Variants in CNTN5 observed in about 807,000 individuals in gnomAD.
The protein encoded by CNTN5 is contactin 5.
Under a neutral mutation model 129.1 loss-of-function variants are expected in CNTN5, and 77 were observed. That is an observed-to-expected ratio of 0.60 (90% CI 0.50 to 0.72). The LOEUF (loss-of-function observed/expected upper bound fraction) is 0.72. Ranked by LOEUF, CNTN5 falls within the 30% of genes least tolerant of loss-of-function variation. The probability of loss-of-function intolerance (pLI) is 0.00; values close to 1 mark genes in which losing one functional copy is unlikely to be tolerated. For missense variants in CNTN5, 1,478 were observed against 1,328.8 expected (o/e 1.11, Z -1.75); for synonymous variants, 509 against 465.6 (o/e 1.09, Z -1.20).
At chr11:100,158,222 C>A (rs142098833) in intron 13 of CNTN5, among the ~76,000 whole-genome samples, 1 of 151,686 alleles carries the variant, frequency 6.6e-6, no homozygotes, top group Non-Finnish European at 1.5e-5. Context: ...AAAATCAAAA[C>A]GAACAAAATG....
intron 1 of CNTN5, among the ~76,000 whole-genome samples, chr11:99,150,375 A>G (rs1859995585): frequency 6.6e-6 from 1 of 152,048 alleles, no homozygotes. Context: ...GGAACATGCA[A>G]ATCTTTGTTG....
At chr11:99,752,558 T>A (rs1217839403) in intron 3 of CNTN5, among the ~76,000 whole-genome samples, 1 of 152,224 alleles carries the variant, frequency 6.6e-6, no homozygotes, top group Admixed American at 6.5e-5. Flanking sequence ...ATGTTATAAT[T>A]TGTGTTTTGT....
rs765180638 is a variant in CNTN5, at chr11:99,844,978, A to G, written c.401+3A>G. 6.2e-7 allele frequency: 1 copy of G among 1,613,198 alleles called. No individual in the cohort carries two copies. Among genetic ancestry groups the G allele is most frequent in the Non-Finnish European group, 8.5e-7 (1 of 1,179,586 alleles). On this transcript the variant is annotated splice_donor_region_variant and intron_variant, in intron 5 of 24. Coordinates refer to ENST00000524871, the MANE Select transcript of CNTN5 (RefSeq NM_014361.4). ...GGCAATCCAGTTCCCAGTTACAGGT[A>G]GGAATTCACTGTTAATCATTTTTCT...
chr11:99,507,964 A>ATTAATGT (rs1347741647), intron 2 of CNTN5, among the ~76,000 whole-genome samples: 7 of 152,204 alleles, frequency 4.6e-5, no homozygotes, highest in African/African-American at 1.7e-4. Flanking sequence ...AGTAAATGTT[A>ATTAATGT]GTTTTTATTA....
intron 13 of CNTN5, among the ~76,000 whole-genome samples, chr11:100,077,357 C>T (rs1018335922): frequency 5.3e-5 from 8 of 152,120 alleles, no homozygotes; most frequent in Non-Finnish European, 1.5e-5. Flanking sequence ...ATCCAACCTA[C>T]AACAATTGAG....
chr11:99,878,528 A>C lies in CNTN5; in HGVS notation c.577+33266A>C, dbSNP rs141457324. Among the ~76,000 whole-genome samples, 207 of 152,322 alleles carry C rather than the reference A, an allele frequency of 1.4e-3. 1 individual carries two copies. Among genetic ancestry groups the C allele is most frequent in the East Asian group, 5.8e-3 (30 of 5,180 alleles). ...ATACCATTAAAAAACACACTCTAAG[A>C]AGCAAAGCCTTTCTGTCATTAATCA... On this transcript the variant is annotated intron_variant, in intron 6 of 24. Coordinates refer to ENST00000524871, the MANE Select transcript of CNTN5 (RefSeq NM_014361.4).
intron 1 of CNTN5, among the ~76,000 whole-genome samples, chr11:99,292,755 C>T (rs976671946): frequency 2.2e-4 from 33 of 152,156 alleles, no homozygotes; most frequent in Non-Finnish European, 1.2e-4. Flanking sequence ...CCAGCCTTGA[C>T]ATTCCCCAGC....
intron 2 of CNTN5, among the ~76,000 whole-genome samples, chr11:99,400,913 T>C (rs575107308): frequency 3.9e-5 from 6 of 152,314 alleles, no homozygotes; most frequent in Non-Finnish European, 7.4e-5. Context: ...TTTGCCCATT[T>C]TAAAATTAGA....
intron 8 of CNTN5, among the ~76,000 whole-genome samples, chr11:99,960,199 G>T (rs1421239186): frequency 6.6e-6 from 1 of 152,006 alleles, no homozygotes; most frequent in Non-Finnish European, 1.5e-5. Flanking sequence ...ATTTTAATAT[G>T]CATTTTTAAG....
intron 3 of CNTN5, among the ~76,000 whole-genome samples, chr11:99,619,828 C>A (rs1950875946): frequency 6.6e-6 from 1 of 151,878 alleles, no homozygotes; most frequent in South Asian, 2.1e-4. Context: ...AGATCAAGAC[C>A]ATCCTGGCTA....
At chr11:99,170,803 C>T (rs746407593) in intron 1 of CNTN5, among the ~76,000 whole-genome samples, 1 of 152,222 alleles carries the variant, frequency 6.6e-6, no homozygotes, top group Non-Finnish European at 1.5e-5. Flanking sequence ...TGCAGGCACA[C>T]ATATAAGTTC....
intron 3 of CNTN5, among the ~76,000 whole-genome samples, chr11:99,736,118 C>A (rs528876814): frequency 3.3e-5 from 5 of 151,340 alleles, no homozygotes; most frequent in South Asian, 2.1e-4. Context: ...TTTAAGATTT[C>A]TTTTGAGCGT....
At chr11:99,211,544 CT>C (rs76506556) in intron 1 of CNTN5, among the ~76,000 whole-genome samples, 18 of 150,576 alleles carry the variant, frequency 1.2e-4, no homozygotes, top group African/African-American at 2.9e-4. Context: ...TTTTCTCCTC[CT>C]TTTTTTTTCT....
At chr11:99,768,874 T>C (rs182562470) in intron 3 of CNTN5, among the ~76,000 whole-genome samples, 16 of 152,250 alleles carry the variant, frequency 1.1e-4, no homozygotes, top group Admixed American at 7.2e-4. Context: ...AATATTATGC[T>C]ACTCCACAGT....
chr11:100,038,201 A>G lies in CNTN5; in HGVS notation c.981-23011A>G, dbSNP rs536741672. On this transcript the variant is annotated intron_variant, in intron 9 of 24. Transcript: ENST00000524871. The stretch of plus-strand genomic sequence containing the variant: ...CTCGTTGGTTTCAAAGAACATCTTT[A>G]TTTCTGCCTTCATTTCGTTATGTAC... Among the ~76,000 whole-genome samples the G allele has an allele frequency of 1.0e-3, 152 of 152,048 alleles. 5 individuals are homozygous for G. The South Asian group carries it at 0.031, about 31-fold the overall frequency.
chr11:99,910,316 C>G (rs1383650251), intron 6 of CNTN5, among the ~76,000 whole-genome samples: 2 of 152,060 alleles, frequency 1.3e-5, no homozygotes, highest in African/African-American at 4.8e-5. Flanking sequence ...TACCATTCAA[C>G]ACTCACATTT....
chr11:99,455,904 C>T (rs947839595), intron 2 of CNTN5, among the ~76,000 whole-genome samples: 1 of 152,102 alleles, frequency 6.6e-6, no homozygotes, highest in Non-Finnish European at 1.5e-5. Context: ...AGCATCTTTT[C>T]AAGCCCAGTA....
At chr11:100,320,840 C>T (rs7104479) in intron 21 of CNTN5, among the ~76,000 whole-genome samples, 1 of 152,038 alleles carries the variant, frequency 6.6e-6, no homozygotes, top group Admixed American at 6.5e-5. Flanking sequence ...GTGTTCTTGG[C>T]ACCTTTGTCA....
chr11:100,259,703 A>C (rs1950156998), intron 17 of CNTN5, among the ~76,000 whole-genome samples: 1 of 152,174 alleles, frequency 6.6e-6, no homozygotes, highest in South Asian at 2.1e-4. Flanking sequence ...CTACTGGGTA[A>C]ATAATGAAAT....
Sources: gnomAD v4.1 joint callset for allele counts (sites outside exome capture counted in the v4.1 genomes callset) on GRCh38, gnomAD v4.1.1 for gene constraint, MANE v1.5 for transcripts, NCBI Gene and HGNC (gene_info 2026-07-23, HGNC 2026-07-21) for gene names.